Variants in SAMD5 observed in about 807,000 individuals in gnomAD.
The protein encoded by SAMD5 is sterile alpha motif domain-containing protein 5.
SAMD5 carries 13 observed loss-of-function variants against 11.3 expected under a neutral mutation model. The ratio of observed to expected loss-of-function variants is 1.15; its 90% confidence interval spans 0.75 to 1.83. The LOEUF is 1.83. SAMD5 is among the 40% of genes most tolerant of loss of function. The pLI, the probability that SAMD5 is intolerant of heterozygous loss-of-function variation, is 0.00. For synonymous variants in SAMD5, 129 were observed against 111.3 expected (o/e 1.16, Z -1.00); for missense variants, 255 against 239.1 (o/e 1.07, Z -0.44).
At chr6:147,604,897 A>G (rs1200565319) in intron 1 of SAMD5, among the ~76,000 whole-genome samples, 1 of 152,192 alleles carries the variant, frequency 6.6e-6, no homozygotes, top group Admixed American at 6.5e-5. Flanking sequence ...AAATTTAATA[A>G]AAAAGATAGT....
At chr6:147,935,427 C>T in the SAMD5 span, among the ~76,000 whole-genome samples, 1 of 152,164 alleles carries the variant, frequency 6.6e-6, no homozygotes, top group African/African-American at 2.4e-5. Context: ...ACCTCTGACA[C>T]TGTAGCTATT....
At chr6:147,740,189 T>G (rs1367929610), downstream of SAMD5, among the ~76,000 whole-genome samples, 1 of 152,230 alleles carries the variant, frequency 6.6e-6, no homozygotes, top group Non-Finnish European at 1.5e-5. Flanking sequence ...ACATTATGAC[T>G]TGCTTCATTT....
chr6:147,669,831 G>A (rs894378534), intron 1 of SAMD5, among the ~76,000 whole-genome samples: 20 of 152,078 alleles, frequency 1.3e-4, no homozygotes, highest in African/African-American at 3.9e-4. Flanking sequence ...CATGAGGATT[G>A]GAATCAATTT....
the SAMD5 span, among the ~76,000 whole-genome samples, chr6:147,742,896 A>G: frequency 2.8e-4 from 43 of 152,352 alleles, no homozygotes; most frequent in Admixed American, 2.2e-3. Context: ...CTTGTTGTAC[A>G]TAGAGGCTAT....
rs1353712376 is a variant in SAMD5, at chr6:147,567,326, C to T, written c.*2870C>T. On this transcript the variant is annotated 3_prime_UTR_variant, in exon 2 of 2. Transcript: ENST00000367474. The stretch of plus-strand genomic sequence containing the variant: ...TTTCTCAGTTCAGAGATATTTATAG[C>T]ATCTTGGTGTTATGCAATAAACAAT... 1 of 985,148 alleles carries T rather than the reference C, an allele frequency of 1.0e-6. No individual in the cohort carries two copies. The highest frequency in any genetic ancestry group is 1.2e-6 in the Non-Finnish European group (1 of 829,784). 61.0% of individuals were successfully genotyped at this position (985,148 alleles called of 1,614,324 possible).
intron 1 of SAMD5, among the ~76,000 whole-genome samples, chr6:147,575,915 A>G (rs941207983): frequency 6.6e-6 from 1 of 152,146 alleles, no homozygotes; most frequent in African/African-American, 2.4e-5. Context: ...CTCATGGAAC[A>G]ATATCAATTT....
chr6:147,948,158 C>T, the SAMD5 span, among the ~76,000 whole-genome samples: 2 of 151,748 alleles, frequency 1.3e-5, no homozygotes, highest in South Asian at 2.1e-4. Flanking sequence ...TTTACTGATT[C>T]CTTCTATAAA....
At chr6:147,900,537 G>A in the SAMD5 span, among the ~76,000 whole-genome samples, 1 of 152,202 alleles carries the variant, frequency 6.6e-6, no homozygotes, top group Non-Finnish European at 1.5e-5. Context: ...AAGTGAGATA[G>A]GAGACAGGAG....
At chr6:147,885,194 C>G in the SAMD5 span, among the ~76,000 whole-genome samples, 1 of 152,140 alleles carries the variant, frequency 6.6e-6, no homozygotes, top group African/African-American at 2.4e-5. Flanking sequence ...TGTGGTCACT[C>G]ACACCTGTAA....
At chr6:147,778,811 A>G in the SAMD5 span, among the ~76,000 whole-genome samples, 4 of 151,918 alleles carry the variant, frequency 2.6e-5, no homozygotes, top group Non-Finnish European at 5.9e-5. Flanking sequence ...CTTACTTGGT[A>G]TGTTTTCTGG....
intron 1 of SAMD5, among the ~76,000 whole-genome samples, chr6:147,701,019 C>T (rs997708617): frequency 1.3e-5 from 2 of 152,166 alleles, no homozygotes; most frequent in Non-Finnish European, 2.9e-5. Context: ...TTGAATCTTA[C>T]ATATTCAGCT....
At chr6:147,942,449 T>C in the SAMD5 span, among the ~76,000 whole-genome samples, 4 of 152,224 alleles carry the variant, frequency 2.6e-5, no homozygotes, top group Non-Finnish European at 5.9e-5. Context: ...CATTAGAACA[T>C]CTGTGTGTCT....
At chr6:147,784,810 A>C in the SAMD5 span, among the ~76,000 whole-genome samples, 1 of 152,352 alleles carries the variant, frequency 6.6e-6, no homozygotes, top group African/African-American at 2.4e-5. Flanking sequence ...AAAATGAATC[A>C]CAGTCTGGTA....
chr6:147,759,055 C>T, the SAMD5 span, among the ~76,000 whole-genome samples: 1 of 152,218 alleles, frequency 6.6e-6, no homozygotes, highest in Non-Finnish European at 1.5e-5. Context: ...GAATTAAAAT[C>T]ACTTAGTAAC....
At chr6:147,858,142 G>A in the SAMD5 span, among the ~76,000 whole-genome samples, 1 of 151,996 alleles carries the variant, frequency 6.6e-6, no homozygotes, top group Non-Finnish European at 1.5e-5. Context: ...GTTTTGGAGG[G>A]GATCTGTAGC....
At chr6:147,804,913 A>G in the SAMD5 span, among the ~76,000 whole-genome samples, 1 of 152,264 alleles carries the variant, frequency 6.6e-6, no homozygotes, top group Non-Finnish European at 1.5e-5. Context: ...AAAAAGAAAG[A>G]ATTGTTACAA....
chr6:147,647,298 A>G (rs1189311327), intron 1 of SAMD5, among the ~76,000 whole-genome samples: 1 of 152,224 alleles, frequency 6.6e-6, no homozygotes, highest in African/African-American at 2.4e-5. Context: ...TTTAAAACAT[A>G]GAACAGGCCA....
the SAMD5 span, among the ~76,000 whole-genome samples, chr6:147,904,485 G>T: frequency 6.6e-6 from 1 of 152,188 alleles, no homozygotes; most frequent in East Asian, 1.9e-4. Flanking sequence ...CTTGGATTAT[G>T]TGAGAAAGAA....
the SAMD5 span, among the ~76,000 whole-genome samples, chr6:147,918,355 C>T: frequency 1.3e-5 from 2 of 151,982 alleles, no homozygotes; most frequent in African/African-American, 2.4e-5. Context: ...CATTGTTTGG[C>T]TCTGTGTTTG....
Sources: gnomAD v4.1 joint callset for allele counts (sites outside exome capture counted in the v4.1 genomes callset) on GRCh38, gnomAD v4.1.1 for gene constraint, MANE v1.5 for transcripts, NCBI Gene and HGNC (gene_info 2026-07-23, HGNC 2026-07-21) for gene names.